Variants in TENM2 observed in about 807,000 individuals in gnomAD.
TENM2 encodes teneurin-2.
Under a neutral mutation model 245.2 loss-of-function variants are expected in TENM2, and 52 were observed. That is an observed-to-expected ratio of 0.21 (90% CI 0.17 to 0.27). The LOEUF is 0.27. Among genes scored for constraint, TENM2 ranks in the 10% least tolerant of loss-of-function variants. The probability of loss-of-function intolerance (pLI) is 1.00; values close to 1 mark genes in which losing one functional copy is unlikely to be tolerated. For missense variants in TENM2, 3,046 were observed against 3,666.8 expected (o/e 0.83, Z 4.37); for synonymous variants, 1,363 against 1,438.9 (o/e 0.95, Z 1.19).
intron 2 of TENM2, among the ~76,000 whole-genome samples, chr5:167,747,457 G>A (rs1285350250): frequency 6.6e-6 from 1 of 152,162 alleles, no homozygotes; most frequent in African/African-American, 2.4e-5. Context: ...TGCTGAAAGA[G>A]CCATTTCTAT....
At chr5:167,876,703 CTGA>C (rs1773455654) in intron 3 of TENM2, among the ~76,000 whole-genome samples, 1 of 152,158 alleles carries the variant, frequency 6.6e-6, no homozygotes, top group South Asian at 2.1e-4. Context: ...GACATCAGTA[CTGA>C]ATGTCTTGCC....
the TENM2 span, among the ~76,000 whole-genome samples, chr5:167,077,655 T>C: frequency 2.4e-4 from 37 of 152,236 alleles, no homozygotes; most frequent in Admixed American, 2.4e-3. Flanking sequence ...TTGTCACTTA[T>C]GCTGAAGTGA....
At chr5:167,861,996 C>G (rs971418613) in intron 2 of TENM2, among the ~76,000 whole-genome samples, 2 of 152,172 alleles carry the variant, frequency 1.3e-5, no homozygotes, top group African/African-American at 4.8e-5. Flanking sequence ...GAAAACATGC[C>G]TCTTATGTTA....
chr5:167,565,687 G>T (rs1370336685), intron 2 of TENM2, among the ~76,000 whole-genome samples: 1 of 152,150 alleles, frequency 6.6e-6, no homozygotes, highest in East Asian at 1.9e-4. Context: ...TTCATAGACG[G>T]AGAAGTTGAG....
At chr5:167,365,599 G>T (rs1348653768) in intron 1 of TENM2, among the ~76,000 whole-genome samples, 1 of 151,858 alleles carries the variant, frequency 6.6e-6, no homozygotes, top group Non-Finnish European at 1.5e-5. Context: ...ATTAAAAAAA[G>T]TCATAAATGT....
chr5:166,997,105 A>C, the TENM2 span, among the ~76,000 whole-genome samples: 1 of 152,228 alleles, frequency 6.6e-6, no homozygotes, highest in Non-Finnish European at 1.5e-5. Flanking sequence ...ATACTATGAT[A>C]TATCAGAAGC....
At chr5:167,722,805 A>C (rs751094804) in intron 2 of TENM2, among the ~76,000 whole-genome samples, 40 of 152,268 alleles carry the variant, frequency 2.6e-4, no homozygotes, top group Non-Finnish European at 4.6e-4. Flanking sequence ...AACAAACAAA[A>C]AAAAACAACT....
At chr5:167,625,486 T>C (rs1778444088) in intron 2 of TENM2, among the ~76,000 whole-genome samples, 1 of 152,222 alleles carries the variant, frequency 6.6e-6, no homozygotes, top group Admixed American at 6.5e-5. Flanking sequence ...ACAATGCTTA[T>C]AAATTATGAA....
chr5:168,214,027 G>T (rs938663490), intron 20 of TENM2, among the ~76,000 whole-genome samples: 32 of 152,164 alleles, frequency 2.1e-4, no homozygotes, highest in Non-Finnish European at 4.4e-5. Flanking sequence ...GAACTGCAGG[G>T]TTTTGAGCCA....
the TENM2 span, among the ~76,000 whole-genome samples, chr5:167,205,639 T>G: frequency 6.6e-6 from 1 of 152,152 alleles, no homozygotes; most frequent in Non-Finnish European, 1.5e-5. Flanking sequence ...CTTAACAAAA[T>G]TACCCCAAAT....
At chr5:167,095,210 A>G in the TENM2 span, among the ~76,000 whole-genome samples, 11 of 152,310 alleles carry the variant, frequency 7.2e-5, no homozygotes, top group African/African-American at 2.4e-4. Context: ...CGTAGATGTT[A>G]TGATGGAAAT....
chr5:167,191,170 G>A, the TENM2 span, among the ~76,000 whole-genome samples: 18 of 151,512 alleles, frequency 1.2e-4, no homozygotes, highest in Non-Finnish European at 2.1e-4. Flanking sequence ...TTATACCTAG[G>A]AATATATATA....
intron 2 of TENM2, among the ~76,000 whole-genome samples, chr5:167,776,624 A>AAAAAAAAAAAAAAAAAC (rs1561769493): frequency 1.6e-5 from 1 of 61,266 alleles, no homozygotes; most frequent in African/African-American, 7.3e-5. Flanking sequence ...AAAAAAAAAA[A>AAAAAAAAAAAAAAAAAC]AACCATATAT....
chr5:167,447,661 C>G (rs1176803916), intron 2 of TENM2, among the ~76,000 whole-genome samples: 1 of 152,166 alleles, frequency 6.6e-6, no homozygotes, highest in African/African-American at 2.4e-5. Flanking sequence ...ACTGCTTCCC[C>G]CTGGAAATTC....
intron 27 of TENM2, among the ~76,000 whole-genome samples, chr5:168,259,394 C>T (rs1767982947): frequency 6.6e-6 from 1 of 152,020 alleles, no homozygotes; most frequent in Non-Finnish European, 1.5e-5. Flanking sequence ...TCGAAACCAG[C>T]CTGACCAACA....
intron 4 of TENM2, among the ~76,000 whole-genome samples, chr5:167,978,625 G>C (rs1782610940): frequency 6.6e-6 from 1 of 151,966 alleles, no homozygotes; most frequent in Non-Finnish European, 1.5e-5. Context: ...GGGAGTGAGA[G>C]AGTGAAGGAA....
chr5:167,665,276 CAAATG>C (rs1755495828), intron 2 of TENM2, among the ~76,000 whole-genome samples: 1 of 152,060 alleles, frequency 6.6e-6, no homozygotes. Flanking sequence ...ATACAGTAAA[CAAATG>C]AAAGTATTCT....
chr5:167,913,247 C>G (rs550275080), intron 3 of TENM2, among the ~76,000 whole-genome samples: 2 of 152,316 alleles, frequency 1.3e-5, no homozygotes, highest in South Asian at 4.1e-4. Context: ...GGGCTGACTT[C>G]ATCCTCTTTG....
At chr5:167,901,692 G>A (rs1293757747) in intron 3 of TENM2, among the ~76,000 whole-genome samples, 1 of 152,200 alleles carries the variant, frequency 6.6e-6, no homozygotes, top group Non-Finnish European at 1.5e-5. Flanking sequence ...ATTATAGTAT[G>A]TTTTTAAATA....
Sources: gnomAD v4.1 joint callset for allele counts (sites outside exome capture counted in the v4.1 genomes callset) on GRCh38, gnomAD v4.1.1 for gene constraint, MANE v1.5 for transcripts, NCBI Gene and HGNC (gene_info 2026-07-23, HGNC 2026-07-21) for gene names.